The following CAPN2 variants were observed in gnomAD, a reference collection of about 807,000 sequenced individuals.
CAPN2 encodes calpain 2.
Under a neutral mutation model 102.3 loss-of-function variants are expected in CAPN2, and 92 were observed. The observed-to-expected ratio is 0.90, with a 90% CI of 0.76 to 1.07. The LOEUF (loss-of-function observed/expected upper bound fraction) is 1.07. CAPN2 is among the 50% of genes least tolerant of loss of function. The pLI, the probability that CAPN2 is intolerant of heterozygous loss-of-function variation, is 0.00. For synonymous variants in CAPN2, 340 were observed against 355.4 expected, an observed-to-expected ratio of 0.96 and a Z score of 0.49; for missense variants, 800 against 909.4, an observed-to-expected ratio of 0.88 and a Z score of 1.55.
chr1:223,766,306 A>G, intron 15 of CAPN2, 61 bp from the exon 16 acceptor site: 2 of 1,225,786 alleles, frequency 1.6e-6, no homozygotes, highest in South Asian at 1.2e-5. Flanking sequence ...ATGATTGTGG[A>G]AAGTTCAGTT....
chr1:223,758,498 A>G (rs1244999579), intron 11 of CAPN2: 1 of 152,098 alleles, frequency 6.6e-6, no homozygotes, highest in East Asian at 1.9e-4. Flanking sequence ...TGCATCATAC[A>G]CCACGTAGAA....
chr1:223,771,152 C>A (rs28370167), intron 18 of CAPN2: 8,222 of 153,254 alleles, frequency 0.054, 272 homozygotes, highest in East Asian at 0.079. Context: ...AGCCTCCCCC[C>A]ATCCATGATG....
rs1286031533 is a variant in CAPN2, at chr1:223,726,407, G to A, written c.307+8576G>A. 6.6e-6 allele frequency among the ~76,000 whole-genome samples: 1 copy of A among 152,222 alleles called. No homozygotes were observed. Among genetic ancestry groups the A allele is most frequent in the Non-Finnish European group, 1.5e-5 (1 of 68,046 alleles). On this transcript the variant is annotated intron_variant, in intron 2 of 20. Transcript: ENST00000295006. This position sits in a 1 kb window ranked among gnomAD's most constrained non-coding sequence, Gnocchi z 4.4. ...AAAACTCTGATATTGACTAGTGACC[G>A]TGGGGGCGATGGCCCAGGAGGGTCA... is the stretch of plus-strand genomic sequence containing the variant.
rs1398044439 is a variant in CAPN2, at chr1:223,775,863, C to A, written c.*1006C>A. The A allele has an allele frequency of 6.6e-6, 1 of 152,634 alleles. No homozygotes were observed. Among genetic ancestry groups the A allele is most frequent in the Non-Finnish European group, 1.5e-5 (1 of 68,034 alleles). The allele number at this position is 152,634 out of a possible 1,614,324, so 9.5% of individuals were successfully genotyped here. ...AATCACACCATGCCATGTTTTCCTTCCTGGAGGGCAGCCCCACAGGACGGT... is the reference window on the plus strand; with the variant it reads ...AATCACACCATGCCATGTTTTCCTTACTGGAGGGCAGCCCCACAGGACGGT... On this transcript the variant is annotated 3_prime_UTR_variant, in exon 21 of 21. Transcript: ENST00000295006.
Position 223,744,103 on chromosome 1 carries a change from A to G in CAPN2, c.311A>G (p.Asp104Gly), listed in dbSNP as rs751623231. The G allele has an allele frequency of 6.2e-7, 1 of 1,608,842 alleles. No homozygotes were observed. Among genetic ancestry groups the G allele is most frequent in the Non-Finnish European group, 8.5e-7 (1 of 1,175,164 alleles). Reference sequence around the variant, plus strand: ...GCTCCTTGTGCTGTGTTCACAGGTGACTGCTGGCTGCTGGCAGCCATTGCC... The same window carrying G: ...GCTCCTTGTGCTGTGTTCACAGGTGGCTGCTGGCTGCTGGCAGCCATTGCC... The part of the protein sequence containing the change: ...RTDICQGALG[D>G]CWLLAAIASL... Residue 104 changes from aspartate to glycine, a missense_variant, in exon 3 of 21, where the codon GAC (aspartate) becomes GGC (glycine). Transcript: ENST00000295006.
intron 1 of CAPN2, among the ~76,000 whole-genome samples, chr1:223,705,283 A>T (rs1233126404): frequency 6.6e-6 from 1 of 152,214 alleles, no homozygotes; most frequent in Non-Finnish European, 1.5e-5. Context: ...AGCACTGGTG[A>T]TTCTTGCACA....
At chr1:223,732,350 T>G (rs545324831) in intron 2 of CAPN2, among the ~76,000 whole-genome samples, 1 of 152,342 alleles carries the variant, frequency 6.6e-6, no homozygotes, top group East Asian at 1.9e-4. Context: ...GGGCTGATGA[T>G]TGCCCATTTT....
In CAPN2 at chr1:223,747,070, G is replaced by A. The variant is rs765853769; in HGVS notation, c.634G>A (p.Ala212Thr). The change falls in exon 5 of 21, where the codon GCT (alanine) becomes ACT (threonine). Residue 212 changes from alanine to threonine, a missense_variant. Ala to Thr is a moderately conservative substitution (Grantham distance 58, BLOSUM62 0). Coordinates refer to ENST00000295006, the MANE Select transcript of CAPN2 (RefSeq NM_001748.5). ...CTTCGAAGACTTCACCGGAGGCATTGCTGAGTGGTATGAGTTGAAGAAGCC... is the reference window on the plus strand; with the variant it reads ...CTTCGAAGACTTCACCGGAGGCATTACTGAGTGGTATGAGTTGAAGAAGCC... ...EGFEDFTGGI[A>T]EWYELKKPPP... The A allele has an allele frequency of 3.7e-6, 6 of 1,613,988 alleles. No individual in the cohort carries two copies. In the African/African-American group the frequency reaches 8.0e-5, roughly 22 times the overall value.
chr1:223,774,658 C>T (rs902375998), intron 20 of CAPN2, among the ~76,000 whole-genome samples, 176 bp from the exon 21 acceptor site: 1 of 152,176 alleles, frequency 6.6e-6, no homozygotes, highest in Non-Finnish European at 1.5e-5. Context: ...GACTACTGAC[C>T]TGTTAAAAGC....
rs1343817699 is a variant in CAPN2 at position 223,757,548 on chromosome 1, A to G, written c.1317+168A>G. ...TGAAGTTGCCCAGGCTCTAGATCCC[A>G]CTGGTCTAAGCTCTGGGCAAGGTTT... On this transcript the variant is annotated intron_variant, in intron 11 of 20. Coordinates refer to ENST00000295006, the MANE Select transcript of CAPN2 (RefSeq NM_001748.5). The G allele has an allele frequency of 4.2e-5, 30 of 707,928 alleles. No homozygotes were observed. The Admixed American group carries it at 6.0e-4, about 14-fold the overall frequency. The allele number at this position is 707,928 out of a possible 1,614,324, so 43.9% of individuals were successfully genotyped here.
intron 8 of CAPN2, 66 bp downstream of exon 8, chr1:223,752,137 A>C: frequency 8.9e-7 from 1 of 1,119,880 alleles, no homozygotes; most frequent in Non-Finnish European, 1.3e-6. Flanking sequence ...GAAAACTGCT[A>C]ATTAGAAAGA....
rs760805402 is a variant in CAPN2 at position 223,755,626 on chromosome 1, A to G, written c.1282A>G (p.Thr428Ala). Residue 428 changes from threonine (T) to alanine (A), a missense_variant, in exon 10 of 21, where the codon ACC becomes GCC. Physicochemically the swap from Thr to Ala is moderately conservative, Grantham distance 58 (BLOSUM62 0). Coordinates refer to ENST00000295006, the MANE Select transcript of CAPN2 (RefSeq NM_001748.5). This position sits in a 1 kb window ranked among gnomAD's most constrained non-coding sequence, Gnocchi z 4.1. Reference protein sequence around the residue: ...RQRKMGEDMHTIGFGIYEVPE... With the variant: ...RQRKMGEDMHAIGFGIYEVPE... ...GAGGAAGATGGGCGAGGACATGCAC[A>G]CCATCGGCTTTGGCATCTATGAGGT... The G allele has an allele frequency of 1.0e-5, 16 of 1,604,014 alleles. No individual in the cohort carries two copies. Among genetic ancestry groups the G allele is most frequent in the Non-Finnish European group, 1.4e-5 (16 of 1,175,384 alleles).
At position 223,726,589 on chromosome 1, in the gene CAPN2, C is replaced by T. The variant is rs1660196341; in HGVS notation, c.307+8758C>T. Among the ~76,000 whole-genome samples, 1 of 152,144 alleles carries T rather than the reference C, an allele frequency of 6.6e-6. No individual in the cohort carries two copies. Among genetic ancestry groups the T allele is most frequent in the African/African-American group, 2.4e-5 (1 of 41,448 alleles). ...CTCCCTCCCATCCTCCCTTTTAGGG[C>T]CTCCCTTCTGGCAGATAGGGCAGGG... is the stretch of plus-strand genomic sequence containing the variant. On this transcript the variant is annotated intron_variant, in intron 2 of 20. Transcript: ENST00000295006. The surrounding 1 kb of genome is among the most constrained non-coding windows in gnomAD (Gnocchi z 4.4).
intron 2 of CAPN2, among the ~76,000 whole-genome samples, chr1:223,723,009 G>A (rs1339174262): frequency 6.6e-6 from 1 of 152,164 alleles, no homozygotes; most frequent in African/African-American, 2.4e-5. Context: ...TTTGTAAGAT[G>A]CCTGTCTATT....
In CAPN2 at chr1:223,731,236, G is replaced by A. The variant is rs753753922; in HGVS notation, c.308-12864G>A. Among the ~76,000 whole-genome samples the A allele has an allele frequency of 2.0e-5, 3 of 152,184 alleles. No homozygotes were observed. Among genetic ancestry groups the A allele is most frequent in the Non-Finnish European group, 2.9e-5 (2 of 68,032 alleles). On this transcript the variant is annotated intron_variant, in intron 2 of 20. Coordinates refer to ENST00000295006, the MANE Select transcript of CAPN2 (RefSeq NM_001748.5). The surrounding 1 kb of genome is among the most constrained non-coding windows in gnomAD (Gnocchi z 4.2). The stretch of plus-strand genomic sequence containing the variant: ...TATGCTTGGAGGGTCTGGTGCAGAA[G>A]GGGAAAGGAAGAGAAGGAAGTTTGG...
chr1:223,738,424 G>A (rs886267607), intron 2 of CAPN2, among the ~76,000 whole-genome samples: 2 of 152,098 alleles, frequency 1.3e-5, no homozygotes, highest in African/African-American at 2.4e-5. Flanking sequence ...CTCCAGCCCT[G>A]GCCTCCCAAG....
rs781468603 is a variant in CAPN2 at position 223,752,920 on chromosome 1, C to G, written c.1099C>G (p.Arg367Gly). Residue 367 changes from arginine to glycine, a missense_variant, in exon 9 of 21, where the codon CGG becomes GGG. Physicochemically the swap from Arg to Gly is moderately radical, Grantham distance 125. Transcript: ENST00000295006. Reference sequence around the variant, plus strand: ...CACCAAAATGGATGGGAACTGGAGGCGGGGCTCCACCGCGGGAGGTTGCAG... The same window carrying G: ...CACCAAAATGGATGGGAACTGGAGGGGGGGCTCCACCGCGGGAGGTTGCAG... Reference protein sequence around the residue: ...KLTKMDGNWRRGSTAGGCRNY... With the variant: ...KLTKMDGNWRGGSTAGGCRNY... The G allele has an allele frequency of 1.9e-6, 3 of 1,614,060 alleles. No individual in the cohort carries two copies. Among genetic ancestry groups the G allele is most frequent in the East Asian group, 4.5e-5 (2 of 44,868 alleles).
intron 1 of CAPN2, among the ~76,000 whole-genome samples, chr1:223,704,390 C>CT (rs1361841144): frequency 6.6e-6 from 1 of 152,196 alleles, no homozygotes; most frequent in Non-Finnish European, 1.5e-5. Context: ...CCTCAGTCGC[C>CT]TAGGGCCTTA....
chr1:223,749,113 A>G lies in CAPN2; in HGVS notation c.804A>G (p.Gly268=). ...LVKGHAYSVT[G]AEEVESNGSL... ...AGGGGCACGCGTACTCGGTCACCGGAGCCGAGGAGGTAACGGCCGGCGCGG... is the reference window on the plus strand; with the variant it reads ...AGGGGCACGCGTACTCGGTCACCGGGGCCGAGGAGGTAACGGCCGGCGCGG... The change falls in exon 6 of 21, where the codon GGA becomes GGG. Residue 268 remains glycine (G), a synonymous_variant. Transcript: ENST00000295006. The G allele has an allele frequency of 1.2e-6, 2 of 1,613,960 alleles. No homozygotes were observed. Among genetic ancestry groups the G allele is most frequent in the Non-Finnish European group, 8.5e-7 (1 of 1,179,856 alleles).
Sources: gnomAD v4.1 joint callset for allele counts (sites outside exome capture counted in the v4.1 genomes callset) on GRCh38, gnomAD v4.1.1 for gene constraint, Gnocchi (gnomAD v3.1) non-coding constraint, MANE v1.5 for transcripts, NCBI Gene and HGNC (gene_info 2026-07-23, HGNC 2026-07-21) for gene names.